The following CFAP44 variants were observed in gnomAD, a reference collection of about 807,000 sequenced individuals.
The protein encoded by CFAP44 is cilia and flagella associated protein 44.
CFAP44 carries 134 observed loss-of-function variants against 216.2 expected under a neutral mutation model. The observed-to-expected ratio is 0.62, with a 90% CI of 0.54 to 0.72. The LOEUF (loss-of-function observed/expected upper bound fraction) is 0.72. Ranked by LOEUF, CFAP44 falls within the 30% of genes least tolerant of loss-of-function variation. CFAP44 has a pLI of 0.00. For synonymous variants in CFAP44, 700 were observed against 727.6 expected, an observed-to-expected ratio of 0.96 and a Z score of 0.61; for missense variants, 2,035 against 2,182.1, an observed-to-expected ratio of 0.93 and a Z score of 1.34.
At position 113,287,138 on chromosome 3, in the gene CFAP44, G is replaced by A; in HGVS notation, c.*4419C>T. 1 of 461,600 alleles carries A rather than the reference G, an allele frequency of 2.2e-6. No individual in the cohort carries two copies. The highest frequency in any genetic ancestry group is 4.2e-6 in the Non-Finnish European group (1 of 240,028). The allele number at this position is 461,600 out of a possible 1,614,324, so 28.6% of individuals were successfully genotyped here. A position where few individuals can be genotyped will look rare whatever the true frequency, so the allele number is the denominator to read the frequency against. ...TGGCGCGGGACAGACTCCTAACCTGGGGCCTCTGCAGTGGCAGGCGAGGCT... is the reference window on the plus strand; with the variant it reads ...TGGCGCGGGACAGACTCCTAACCTGAGGCCTCTGCAGTGGCAGGCGAGGCT... On this transcript the variant is annotated 3_prime_UTR_variant, in exon 35 of 35. Transcript: ENST00000393845.
At chr3:113,333,976 C>T (rs1237567036) in intron 24 of CFAP44, among the ~76,000 whole-genome samples, 9 of 145,342 alleles carry the variant, frequency 6.2e-5, no homozygotes, top group South Asian at 2.1e-4. Context: ...TTTTTTGAGA[C>T]GGAGTCTCAC....
At chr3:113,365,957 T>A in intron 19 of CFAP44, 82 bp downstream of exon 19, 1 of 1,452,198 alleles carries the variant, frequency 6.9e-7, no homozygotes, top group Non-Finnish European at 9.2e-7. Context: ...TAACTTTTAA[T>A]TTATAACGAA....
intron 3 of CFAP44, chr3:113,426,696 A>C (rs1934968651): frequency 5.3e-6 from 1 of 188,062 alleles, no homozygotes; most frequent in Admixed American, 5.6e-5. Context: ...TGTCTGGTGA[A>C]TCCAAAATTG....
chr3:113,358,774 A>T lies in CFAP44; in HGVS notation c.3036T>A (p.His1012Gln), dbSNP rs77865517. 6.5e-7 allele frequency: 1 copy of T among 1,536,738 alleles called. No homozygotes were observed. ...TCTTTAGCTTCATTAGGCCGAGTTC[A>T]TGTTTCTCTTTTTCCCAAGCTAATT... is the stretch of plus-strand genomic sequence containing the variant. ...EKELAWEKEKHELGLMKLKNR... is the reference protein window; with the variant it reads ...EKELAWEKEKQELGLMKLKNR... Residue 1012 changes from histidine (H) to glutamine (Q), a missense_variant, in exon 22 of 35, where the codon CAT (histidine) becomes CAA (glutamine). Transcript: ENST00000393845.
chr3:113,330,726 G>A (rs1950234584), intron 25 of CFAP44, 58 bp from the exon 26 acceptor site: 1 of 1,457,758 alleles, frequency 6.9e-7, no homozygotes, highest in African/African-American at 1.4e-5. Context: ...TAACTGTATG[G>A]AATATGATCT....
At chr3:113,358,473 AAAAT>A (rs1950511158) in intron 22 of CFAP44, among the ~76,000 whole-genome samples, 2 of 152,180 alleles carry the variant, frequency 1.3e-5, no homozygotes. Flanking sequence ...AATTTGATAT[AAAAT>A]AAATAATTCA....
chr3:113,386,618 T>C (rs916492944), intron 15 of CFAP44, among the ~76,000 whole-genome samples: 1 of 152,144 alleles, frequency 6.6e-6, no homozygotes, highest in Non-Finnish European at 1.5e-5. Context: ...GGGACAAGGC[T>C]AGAATAGGGA....
At chr3:113,366,624 C>A (rs1488776349) in intron 18 of CFAP44, among the ~76,000 whole-genome samples, 1 of 152,202 alleles carries the variant, frequency 6.6e-6, no homozygotes, top group Non-Finnish European at 1.5e-5. Flanking sequence ...CAGCTCCAGT[C>A]TGCAGCTCCC....
chr3:113,408,089 T>A (rs1934337996), intron 7 of CFAP44, among the ~76,000 whole-genome samples: 1 of 152,342 alleles, frequency 6.6e-6, no homozygotes, highest in South Asian at 2.1e-4. Context: ...TTAGTCTATA[T>A]TTCTAATAAA....
In CFAP44 at chr3:113,330,342, A is replaced by T. The variant is rs187266046; in HGVS notation, c.3942T>A (p.Asp1314Glu). 3,701 of 1,537,294 alleles carry T rather than the reference A, an allele frequency of 2.4e-3. 4 individuals are homozygous for T. The highest frequency in any genetic ancestry group is 2.8e-3 in the Non-Finnish European group (3,231 of 1,146,890). ...GGFLKLSSRK[D>E]GDLTTRDSIS... is the part of the protein sequence containing the mutation. The stretch of plus-strand genomic sequence containing the variant: ...TTGAATCACGGGTTGTCAAATCCCC[A>T]TCCTTTCTAGAAGAGAGTTTGAGGA... The change falls in exon 26 of 35, where the codon GAT (aspartate) becomes GAA (glutamate). Residue 1314 changes from aspartate to glutamate, a missense_variant. Physicochemically the swap from Asp to Glu is conservative, Grantham distance 45. Around this residue, in one of 3 missense-constraint regions of CFAP44, gnomAD observed 1,883 missense variants for 2,023.7 expected, o/e 0.93. Transcript: ENST00000393845.
intron 1 of CFAP44, among the ~76,000 whole-genome samples, chr3:113,440,395 C>T (rs1211432916): frequency 6.6e-6 from 1 of 152,282 alleles, no homozygotes; most frequent in African/African-American, 2.4e-5. Flanking sequence ...GTCTTGCTAT[C>T]CATTATTATT....
chr3:113,402,860 C>T (rs975189552), intron 9 of CFAP44, among the ~76,000 whole-genome samples: 12 of 151,926 alleles, frequency 7.9e-5, no homozygotes, highest in Non-Finnish European at 1.6e-4. Flanking sequence ...TTTGGGGTAA[C>T]GTATATCTTG....
At chr3:113,364,394 T>C (rs1950569218) in intron 19 of CFAP44, among the ~76,000 whole-genome samples, 1 of 152,196 alleles carries the variant, frequency 6.6e-6, no homozygotes, top group South Asian at 2.1e-4. Context: ...GTATGAAATG[T>C]AAATCTACAT....
rs778129322 is a variant in CFAP44, at chr3:113,409,241, T to C, written c.755A>G (p.Tyr252Cys). The C allele has an allele frequency of 9.9e-6, 16 of 1,614,014 alleles. No individual in the cohort carries two copies. The South Asian group carries it at 1.3e-4, about 13-fold the overall frequency. The part of the protein sequence containing the change: ...LLASVGSNPD[Y>C]TLTIWNWKEE... ...TTTCCAGTTCCAGATAGTCAGTGTG[T>C]AGTCAGGGTTACTACCAACAGAGGC... The change falls in exon 7 of 35, where the codon TAC (tyrosine) becomes TGC (cysteine). Residue 252 changes from tyrosine to cysteine, a missense_variant. Tyr to Cys is a radical substitution (Grantham distance 194, BLOSUM62 -2). Coordinates refer to ENST00000393845, the MANE Select transcript of CFAP44 (RefSeq NM_001164496.2).
intron 2 of CFAP44, among the ~76,000 whole-genome samples, chr3:113,428,087 G>T (rs539944958): frequency 1.3e-5 from 2 of 152,196 alleles, no homozygotes; most frequent in South Asian, 4.1e-4. Context: ...CTTAGGATGC[G>T]TGTATTTGGA....
chr3:113,339,256 G>C (rs1037756846), intron 24 of CFAP44, among the ~76,000 whole-genome samples: 1 of 152,192 alleles, frequency 6.6e-6, no homozygotes, highest in African/African-American at 2.4e-5. Flanking sequence ...CAGTCCCAGT[G>C]GTTCAGGATA....
At chr3:113,436,020 G>A (rs74812356) in intron 1 of CFAP44, among the ~76,000 whole-genome samples, 1 of 151,770 alleles carries the variant, frequency 6.6e-6, no homozygotes, top group African/African-American at 2.4e-5. Flanking sequence ...GTTTATGGAG[G>A]GGGTGGGGTT....
At position 113,289,315 on chromosome 3, in the gene CFAP44, C is replaced by T. The variant is rs1949805736; in HGVS notation, c.*2242G>A. 1 of 152,176 alleles carries T rather than the reference C, an allele frequency of 6.6e-6. No homozygotes were observed. The highest frequency in any genetic ancestry group is 1.5e-5 in the Non-Finnish European group (1 of 68,038). 9.4% of individuals were successfully genotyped at this position (152,176 alleles called of 1,614,324 possible). On this transcript the variant is annotated 3_prime_UTR_variant, in exon 35 of 35. Transcript: ENST00000393845. Reference sequence around the variant, plus strand: ...AGAATTAACTAGTGATTTAGTCCAGCTCAGTTTGGGAATAATTATCCCGAT... The same window carrying T: ...AGAATTAACTAGTGATTTAGTCCAGTTCAGTTTGGGAATAATTATCCCGAT...
chr3:113,424,153 G>A (rs1364285904), intron 4 of CFAP44, among the ~76,000 whole-genome samples: 1 of 152,118 alleles, frequency 6.6e-6, no homozygotes, highest in East Asian at 1.9e-4. Context: ...AACTGAAGTA[G>A]AGGGCTAGGC....
Sources: allele counts gnomAD v4.1 joint callset (sites outside exome capture counted in the v4.1 genomes callset), GRCh38; gene constraint gnomAD v4.1.1; regional missense constraint gnomAD v4.1.1; transcripts MANE v1.5; gene names NCBI Gene and HGNC (gene_info 2026-07-23, HGNC 2026-07-21).